The following AP4S1 variants were observed in gnomAD, a reference collection of about 807,000 sequenced individuals.
AP4S1 encodes adaptor related protein complex 4 subunit sigma 1, also known as AP-4 complex subunit sigma-1.
A neutral mutation model predicts 19.8 loss-of-function variants in AP4S1; 23 were observed. The observed-to-expected ratio is 1.16, with a 90% CI of 0.84 to 1.65. The LOEUF (loss-of-function observed/expected upper bound fraction) is 1.65. Ranked by LOEUF, AP4S1 falls within the 40% of genes most tolerant of loss-of-function variation. The pLI is 0.00. For synonymous variants in AP4S1, 46 were observed against 54.1 expected, an observed-to-expected ratio of 0.85 and a Z score of 0.66; for missense variants, 166 against 172.8, an observed-to-expected ratio of 0.96 and a Z score of 0.22.
chr14:31,073,022 A>G, intron 4 of AP4S1, 49 bp downstream of exon 4: 1 of 1,426,362 alleles, frequency 7.0e-7, no homozygotes, highest in Non-Finnish European at 9.9e-7. Flanking sequence ...CCAGTTTCCC[A>G]GAAATTGAGT....
chr14:31,066,969 G>A (rs7159175), intron 2 of AP4S1, among the ~76,000 whole-genome samples: 1 of 152,242 alleles, frequency 6.6e-6, no homozygotes, highest in East Asian at 1.9e-4. Context: ...GTGCAATGGC[G>A]CACGCCTGTA....
chr14:31,025,142 C>G (rs1294947396), upstream of AP4S1: 1 of 152,018 alleles, frequency 6.6e-6, no homozygotes, highest in African/African-American at 2.4e-5. Flanking sequence ...CAGCATCGAT[C>G]GTCTGGTTTG....
At chr14:31,083,494 C>CTTTTTTTT in intron 5 of AP4S1, 1 of 276,052 alleles carries the variant, frequency 3.6e-6, no homozygotes, top group African/African-American at 7.6e-5. Flanking sequence ...TCTGTTGACA[C>CTTTTTTTT]TCTTTTTTTT....
intron 1 of AP4S1, among the ~76,000 whole-genome samples, chr14:31,028,629 G>T (rs1242805181): frequency 6.6e-6 from 1 of 150,482 alleles, no homozygotes; most frequent in Non-Finnish European, 1.5e-5. Context: ...AGAGACATTT[G>T]TGGCCAGGTG....
At chr14:31,042,598 T>C (rs1885171795) in intron 1 of AP4S1, among the ~76,000 whole-genome samples, 1 of 152,158 alleles carries the variant, frequency 6.6e-6, no homozygotes, top group Admixed American at 6.6e-5. Flanking sequence ...AATGTAATGG[T>C]CTATATATAG....
chr14:31,083,983 T>C (rs1333803252), intron 5 of AP4S1, among the ~76,000 whole-genome samples: 1 of 152,154 alleles, frequency 6.6e-6, no homozygotes, highest in African/African-American at 2.4e-5. Context: ...GGCGTAGACA[T>C]CCTGCATCAC....
intron 1 of AP4S1, among the ~76,000 whole-genome samples, chr14:31,045,964 A>T (rs1329389496): frequency 7.7e-6 from 1 of 130,580 alleles, no homozygotes; most frequent in African/African-American, 2.8e-5. Flanking sequence ...AAGGAGCTAG[A>T]TTTTTTTTTT....
chr14:31,045,441 G>A (rs1465836382), intron 1 of AP4S1, among the ~76,000 whole-genome samples: 1 of 152,118 alleles, frequency 6.6e-6, no homozygotes, highest in Non-Finnish European at 1.5e-5. Flanking sequence ...GTGTGATAGT[G>A]AGTGAGATGA....
chr14:31,025,751 A>G lies in AP4S1; in HGVS notation c.-108A>G. ...AAAGAGGGAGGGGGACTCCAGGAAA[A>G]GCCGTTGAGAGGACCATCACAACCT... is the stretch of plus-strand genomic sequence containing the variant. On this transcript the variant is annotated 5_prime_UTR_variant, in exon 1 of 6. Transcript: ENST00000542754. 1 of 1,042,898 alleles carries G rather than the reference A, an allele frequency of 9.6e-7. No homozygotes were observed. The highest frequency in any genetic ancestry group is 1.7e-5 in the African/African-American group (1 of 60,446). 64.6% of individuals were successfully genotyped at this position (1,042,898 alleles called of 1,614,324 possible). A position where few individuals can be genotyped will look rare whatever the true frequency, so the allele number is the denominator to read the frequency against.
chr14:31,082,170 A>G (rs1388737291), intron 5 of AP4S1, among the ~76,000 whole-genome samples: 5 of 152,164 alleles, frequency 3.3e-5, no homozygotes, highest in Non-Finnish European at 7.3e-5. Context: ...AGTAACTGGG[A>G]AAATCTGAGT....
At chr14:31,083,417 T>A in intron 5 of AP4S1, 1 of 450,862 alleles carries the variant, frequency 2.2e-6, no homozygotes, top group Non-Finnish European at 4.4e-6. Flanking sequence ...CCAGGTTTGA[T>A]CTCACTTGTA....
At position 31,095,690 on chromosome 14, in the gene AP4S1, A is replaced by T. The variant is rs1888183014; in HGVS notation, c.*2655A>T. On this transcript the variant is annotated 3_prime_UTR_variant, in exon 6 of 6. Coordinates refer to ENST00000542754, the MANE Select transcript of AP4S1 (RefSeq NM_001128126.3). Reference sequence around the variant, plus strand: ...TGCCTTCGCCTTCCAAAGTGTTGGGATTACAGGCCTGAGCCACTGTGCCCA... The same window carrying T: ...TGCCTTCGCCTTCCAAAGTGTTGGGTTTACAGGCCTGAGCCACTGTGCCCA... 2 of 152,244 alleles carry T rather than the reference A, an allele frequency of 1.3e-5. No homozygotes were observed. Among genetic ancestry groups the T allele is most frequent in the African/African-American group, 4.8e-5 (2 of 41,446 alleles). 9.4% of individuals were successfully genotyped at this position (152,244 alleles called of 1,614,324 possible).
intron 1 of AP4S1, among the ~76,000 whole-genome samples, chr14:31,028,096 T>G (rs1884147530): frequency 1.3e-5 from 2 of 152,226 alleles, no homozygotes; most frequent in Admixed American, 6.5e-5. Flanking sequence ...TTACTCATGC[T>G]GCCATGTTTT....
intron 1 of AP4S1, among the ~76,000 whole-genome samples, chr14:31,027,556 G>C (rs952818456): frequency 1.2e-4 from 18 of 152,166 alleles, no homozygotes; most frequent in African/African-American, 4.3e-4. Flanking sequence ...CAGCTCCTGG[G>C]GAGGCTGAGG....
In AP4S1 at chr14:31,093,009, A is replaced by G; in HGVS notation, c.409A>G (p.Ile137Val). 6.5e-7 allele frequency: 1 copy of G among 1,548,384 alleles called. No individual in the cohort carries two copies. Among genetic ancestry groups the G allele is most frequent in the Non-Finnish European group, 8.7e-7 (1 of 1,146,610 alleles). The change falls in exon 6 of 6, where the codon ATT becomes GTT. Residue 137 changes from isoleucine to valine, a missense_variant. Coordinates refer to ENST00000542754, the MANE Select transcript of AP4S1 (RefSeq NM_001128126.3). ...GGCAAGAATTCTTGCCCCTCTACTA[A>G]TTCTTGATAAGATGTCAGAAAGCTG... ...NRARILAPLL[I>V]LDKMSES
intron 5 of AP4S1, among the ~76,000 whole-genome samples, chr14:31,088,148 T>C (rs1349302413): frequency 1.3e-5 from 2 of 152,150 alleles, no homozygotes; most frequent in African/African-American, 4.8e-5. Context: ...ACGTTGCAAA[T>C]CTGACAGTTC....
In AP4S1 at chr14:31,058,519, G is replaced by C. The variant is rs71417942; in HGVS notation, c.-71-7607G>C. 1.7e-3 allele frequency among the ~76,000 whole-genome samples: 160 copies of C among 91,510 alleles called. 1 individual carries two copies. The highest frequency in any genetic ancestry group is 4.8e-3 in the African/African-American group (113 of 23,460). 60.0% of individuals were successfully genotyped at this position (91,510 alleles called of 152,430 possible). On this transcript the variant is annotated intron_variant, in intron 1 of 5. Transcript: ENST00000542754. The stretch of plus-strand genomic sequence containing the variant: ...TCATCAAAACATCTTCCCCATCTCT[G>C]TGTGTGTATGTGTGTGTGTGTGTGT...
At chr14:31,046,579 C>G (rs555455490) in intron 1 of AP4S1, among the ~76,000 whole-genome samples, 2 of 152,272 alleles carry the variant, frequency 1.3e-5, no homozygotes, top group Non-Finnish European at 2.9e-5. Flanking sequence ...GGCACGGTAG[C>G]TCACGCCTGT....
At chr14:31,031,798 ATTTG>A (rs1884404110) in intron 1 of AP4S1, among the ~76,000 whole-genome samples, 1 of 152,054 alleles carries the variant, frequency 6.6e-6, no homozygotes, top group East Asian at 1.9e-4. Context: ...GAAACTTCCT[ATTTG>A]TTCTGTCCTT....
Sources: gnomAD v4.1 joint callset for allele counts (sites outside exome capture counted in the v4.1 genomes callset) on GRCh38, gnomAD v4.1.1 for gene constraint, MANE v1.5 for transcripts, NCBI Gene and HGNC (gene_info 2026-07-23, HGNC 2026-07-21) for gene names.